Variants in CNTN5 observed in about 807,000 individuals in gnomAD.
CNTN5 encodes the protein contactin 5.
CNTN5 carries 77 observed loss-of-function variants against 129.1 expected under a neutral mutation model. The observed-to-expected ratio is 0.60, with a 90% CI of 0.50 to 0.72. CNTN5 has a LOEUF of 0.72. Among genes scored for constraint, CNTN5 ranks in the 30% least tolerant of loss-of-function variants. CNTN5 has a pLI of 0.00. For synonymous variants in CNTN5, 509 were observed against 465.6 expected, an observed-to-expected ratio of 1.09 and a Z score of -1.20; for missense variants, 1,478 against 1,328.8, an observed-to-expected ratio of 1.11 and a Z score of -1.75.
chr11:99,262,650 A>G (rs1862695187), intron 1 of CNTN5, among the ~76,000 whole-genome samples: 1 of 151,336 alleles, frequency 6.6e-6, no homozygotes, highest in African/African-American at 2.4e-5. Context: ...TTACATACAC[A>G]TATGGATGAA....
At chr11:100,057,542 A>G (rs749816601) in intron 9 of CNTN5, among the ~76,000 whole-genome samples, 11 of 151,940 alleles carry the variant, frequency 7.2e-5, no homozygotes, top group Non-Finnish European at 1.6e-4. Flanking sequence ...TATTAACAAT[A>G]TACCAAACAT....
chr11:99,095,075 T>C lies in CNTN5; in HGVS notation c.-210+73805T>C, dbSNP rs544964964. ...GTATACACGTGCCATGGTGGCTTGC[T>C]GTACCCATCAACTTGTCATCGACAT... is the stretch of plus-strand genomic sequence containing the variant. On this transcript the variant is annotated intron_variant, in intron 1 of 24. Transcript: ENST00000524871. Among the ~76,000 whole-genome samples the C allele has an allele frequency of 5.9e-5, 9 of 152,050 alleles. No homozygotes were observed. In the South Asian group the frequency reaches 6.2e-4, roughly 11 times the overall value.
intron 3 of CNTN5, among the ~76,000 whole-genome samples, chr11:99,577,121 G>T (rs2135595051): frequency 6.6e-6 from 1 of 152,244 alleles, no homozygotes; most frequent in South Asian, 2.1e-4. Flanking sequence ...CACACCAAAA[G>T]ACTTCAGGAA....
chr11:99,539,920 T>TG (rs1217133269), intron 2 of CNTN5, among the ~76,000 whole-genome samples: 5 of 152,176 alleles, frequency 3.3e-5, no homozygotes, highest in Non-Finnish European at 7.4e-5. Context: ...TACTCATTTT[T>TG]GTCATGTATT....
In CNTN5 at chr11:99,765,183, A is replaced by G. The variant is rs79474762; in HGVS notation, c.56-54361A>G. On this transcript the variant is annotated intron_variant, in intron 3 of 24. Coordinates refer to ENST00000524871, the MANE Select transcript of CNTN5 (RefSeq NM_014361.4). ...AGCCTGAGTCCAGTTTCTCTATTAG[A>G]AAGACTAAGAAACAGTTGTTTAAGT... Among the ~76,000 whole-genome samples, 1,493 of 152,104 alleles carry G rather than the reference A, an allele frequency of 9.8e-3. 29 individuals are homozygous for G. The highest frequency in any genetic ancestry group is 0.034 in the African/African-American group (1,406 of 41,496).
chr11:99,983,130 G>A (rs1375086406), intron 8 of CNTN5, among the ~76,000 whole-genome samples: 2 of 128,200 alleles, frequency 1.6e-5, no homozygotes, highest in Non-Finnish European at 3.4e-5. Flanking sequence ...AAAATGCAAT[G>A]AGACATGTAC....
chr11:99,260,192 C>G (rs1862564184), intron 1 of CNTN5, among the ~76,000 whole-genome samples: 1 of 151,594 alleles, frequency 6.6e-6, no homozygotes. Context: ...TTTCTTAACT[C>G]TATTAATTTA....
At chr11:99,260,557 A>G (rs1201923435) in intron 1 of CNTN5, among the ~76,000 whole-genome samples, 2 of 151,928 alleles carry the variant, frequency 1.3e-5, no homozygotes, top group Admixed American at 1.3e-4. Context: ...AAATATAACT[A>G]TACTTTGTTT....
In CNTN5 at chr11:99,812,539, T is replaced by A. The variant is rs1002365676; in HGVS notation, c.56-7005T>A. On this transcript the variant is annotated intron_variant, in intron 3 of 24. Transcript: ENST00000524871. Reference sequence around the variant, plus strand: ...ACTGTTTTCTGTATATTACTTTATTTGATCTTTACAACAATCTATGAGGGA... The same window carrying A: ...ACTGTTTTCTGTATATTACTTTATTAGATCTTTACAACAATCTATGAGGGA... Among the ~76,000 whole-genome samples the A allele has an allele frequency of 3.3e-5, 5 of 152,178 alleles. No homozygotes were observed. The South Asian group carries it at 1.0e-3, about 32-fold the overall frequency.
chr11:100,161,864 CACACACACAAAACAA>C (rs1361347382), intron 13 of CNTN5, among the ~76,000 whole-genome samples: 3 of 126,426 alleles, frequency 2.4e-5, no homozygotes, highest in Admixed American at 8.8e-5. Flanking sequence ...CACACACACA[CACACACACAAAACAA>C]AAAACAAAAA....
At chr11:99,168,335 C>CG (rs1041197832) in intron 1 of CNTN5, among the ~76,000 whole-genome samples, 5 of 140,692 alleles carry the variant, frequency 3.6e-5, no homozygotes, top group East Asian at 2.2e-4. Context: ...AGGCCGAGGC[C>CG]GGGGGGGTGG....
intron 1 of CNTN5, among the ~76,000 whole-genome samples, chr11:99,318,364 G>T (rs78387650): frequency 6.6e-6 from 1 of 151,806 alleles, no homozygotes; most frequent in Non-Finnish European, 1.5e-5. Flanking sequence ...CCCAATCCTG[G>T]GGTTCTTTCT....
chr11:99,610,375 C>G (rs867194301), intron 3 of CNTN5, among the ~76,000 whole-genome samples: 9 of 152,002 alleles, frequency 5.9e-5, no homozygotes, highest in South Asian at 4.1e-4. Flanking sequence ...CAGTCCCACA[C>G]CAATATTTAG....
chr11:99,238,254 T>A (rs1034143135), intron 1 of CNTN5, among the ~76,000 whole-genome samples: 2 of 152,192 alleles, frequency 1.3e-5, no homozygotes, highest in African/African-American at 2.4e-5. Context: ...AAAAGTCAAT[T>A]TGGCTTAATG....
intron 1 of CNTN5, among the ~76,000 whole-genome samples, chr11:99,177,988 T>C (rs1857860831): frequency 6.7e-6 from 1 of 149,630 alleles, no homozygotes; most frequent in Admixed American, 6.9e-5. Flanking sequence ...TAAACTGGAA[T>C]GGCTGATCTT....
intron 1 of CNTN5, among the ~76,000 whole-genome samples, chr11:99,142,138 G>T (rs192499454): frequency 6.6e-6 from 1 of 152,060 alleles, no homozygotes; most frequent in Non-Finnish European, 1.5e-5. Context: ...CTGGGACCAG[G>T]CCCACACCTT....
intron 2 of CNTN5, among the ~76,000 whole-genome samples, chr11:99,543,779 G>A (rs768903888): frequency 7.9e-5 from 12 of 151,976 alleles, no homozygotes; most frequent in South Asian, 6.2e-4. Context: ...TTAGCTGTGC[G>A]TGGTGGCACA....
chr11:99,601,038 C>G (rs553143574), intron 3 of CNTN5, among the ~76,000 whole-genome samples: 1 of 152,218 alleles, frequency 6.6e-6, no homozygotes, highest in East Asian at 1.9e-4. Context: ...GTTTGTTTGT[C>G]TCTCCTACTA....
chr11:99,710,665 T>C (rs1954949313), intron 3 of CNTN5, among the ~76,000 whole-genome samples: 1 of 151,378 alleles, frequency 6.6e-6, no homozygotes, highest in Non-Finnish European at 1.5e-5. Context: ...TTTTTTTAGA[T>C]ACGCAATCTC....
Sources: allele counts gnomAD v4.1 joint callset (sites outside exome capture counted in the v4.1 genomes callset), GRCh38; gene constraint gnomAD v4.1.1; transcripts MANE v1.5; gene names NCBI Gene and HGNC (gene_info 2026-07-23, HGNC 2026-07-21).